MCPH1: variants seen among roughly 807,000 people sequenced by gnomAD.
MCPH1 encodes the protein microcephalin 1.
In MCPH1, 104 loss-of-function variants were observed where a neutral mutation model predicts 84.5. The ratio of observed to expected loss-of-function variants is 1.23; its 90% CI spans 1.05 to 1.45. MCPH1 has a LOEUF of 1.45. MCPH1 is among the 40% of genes most tolerant of loss of function. The pLI is 0.00. For synonymous variants in MCPH1, 514 were observed against 366.8 expected (o/e 1.40, Z -4.58); for missense variants, 1,498 against 1,005.7 (o/e 1.49, Z -6.62).
At chr8:6,541,637 G>T (rs964035188) in intron 12 of MCPH1, among the ~76,000 whole-genome samples, 1 of 152,126 alleles carries the variant, frequency 6.6e-6, no homozygotes, top group Non-Finnish European at 1.5e-5. Flanking sequence ...TAAATTCTCA[G>T]CTTAGAAGAT....
intron 13 of MCPH1, chr8:6,642,623 C>A: frequency 8.1e-6 from 3 of 372,044 alleles, no homozygotes; most frequent in Middle Eastern, 9.0e-4. Context: ...CTGCCTTATG[C>A]CAAGAGTACT....
chr8:6,634,419 C>T (rs1797389961), intron 13 of MCPH1, among the ~76,000 whole-genome samples: 1 of 152,204 alleles, frequency 6.6e-6, no homozygotes, highest in African/African-American at 2.4e-5. Context: ...TTGGGTGCTA[C>T]TGCCCCAGAA....
intron 12 of MCPH1, among the ~76,000 whole-genome samples, chr8:6,607,284 C>G (rs555309997): frequency 1.3e-5 from 2 of 152,298 alleles, no homozygotes; most frequent in East Asian, 1.9e-4. Context: ...CTCAGTGACC[C>G]CAGTTTATCA....
intron 5 of MCPH1, among the ~76,000 whole-genome samples, chr8:6,438,220 A>T (rs1802960763): frequency 6.6e-6 from 1 of 152,248 alleles, no homozygotes; most frequent in South Asian, 2.1e-4. Flanking sequence ...TTTTCTTCTT[A>T]GACCAAATAT....
At chr8:6,476,659 T>C (rs1315919452) in intron 9 of MCPH1, among the ~76,000 whole-genome samples, 1 of 152,128 alleles carries the variant, frequency 6.6e-6, no homozygotes, top group Non-Finnish European at 1.5e-5. Context: ...CCCAAATACG[T>C]AGTATACAAA....
intron 12 of MCPH1, among the ~76,000 whole-genome samples, chr8:6,520,807 A>T (rs1817183233): frequency 6.6e-6 from 1 of 152,216 alleles, no homozygotes. Flanking sequence ...GTGCCATTGT[A>T]TTATCTCATT....
In MCPH1 at chr8:6,646,832, G is replaced by A. The variant is rs927245075; in HGVS notation, c.*3783G>A. 6.6e-6 allele frequency: 1 copy of A among 152,046 alleles called. No homozygotes were observed. The highest frequency in any genetic ancestry group is 1.5e-5 in the Non-Finnish European group (1 of 68,012). The allele number at this position is 152,046 out of a possible 1,614,324, so 9.4% of individuals were successfully genotyped here. On this transcript the variant is annotated 3_prime_UTR_variant, in exon 14 of 14. Transcript: ENST00000344683. ...AAACTGTTTCCAGTTGAGAACCATT[G>A]ACCTAATGTAAAAAATAAAATGTAC...
At chr8:6,604,152 C>T (rs2980671) in intron 12 of MCPH1, among the ~76,000 whole-genome samples, 2 of 152,134 alleles carry the variant, frequency 1.3e-5, no homozygotes, top group African/African-American at 4.8e-5. Flanking sequence ...TAGCTCAGCC[C>T]CCATGCTGTC....
intron 12 of MCPH1, among the ~76,000 whole-genome samples, chr8:6,540,805 G>A (rs906124046): frequency 1.3e-5 from 2 of 152,268 alleles, no homozygotes; most frequent in Non-Finnish European, 2.9e-5. Flanking sequence ...CAGCCATGCC[G>A]AACAGGCGCG....
At chr8:6,629,494 G>T (rs1797000113) in intron 13 of MCPH1, among the ~76,000 whole-genome samples, 1 of 152,062 alleles carries the variant, frequency 6.6e-6, no homozygotes, top group Non-Finnish European at 1.5e-5. Context: ...GGAAGACAAA[G>T]AAACACCAAA....
intron 11 of MCPH1, among the ~76,000 whole-genome samples, chr8:6,492,061 C>T (rs1489184078): frequency 6.6e-6 from 1 of 152,194 alleles, no homozygotes; most frequent in Non-Finnish European, 1.5e-5. Context: ...CACTGACTTC[C>T]ACAATGGTTG....
intron 13 of MCPH1, among the ~76,000 whole-genome samples, chr8:6,639,104 GCAGCCTTTATCCCCACCA>G (rs2129583505): frequency 6.6e-6 from 1 of 152,282 alleles, no homozygotes; most frequent in African/African-American, 2.4e-5. Context: ...GATACTTCTG[GCAGCCTTTATCCCCACCA>G]CGATAAATAC....
rs935643587 is a variant in MCPH1 at position 6,647,745 on chromosome 8, C to G, written c.*4696C>G. 6.6e-6 allele frequency: 1 copy of G among 152,204 alleles called. No homozygotes were observed. Among genetic ancestry groups the G allele is most frequent in the Admixed American group, 6.5e-5 (1 of 15,270 alleles). 9.4% of individuals were successfully genotyped at this position (152,204 alleles called of 1,614,324 possible). On this transcript the variant is annotated 3_prime_UTR_variant, in exon 14 of 14. Coordinates refer to ENST00000344683, the MANE Select transcript of MCPH1 (RefSeq NM_024596.5). ...AGGCACGAAACAGATTCATGGTCTGCTGCAGCTGGGGATGGGAGTGGGAAC... is the reference window on the plus strand; with the variant it reads ...AGGCACGAAACAGATTCATGGTCTGGTGCAGCTGGGGATGGGAGTGGGAAC...
rs1376208969 is a variant in MCPH1 at position 6,431,528 on chromosome 8, A to C, written c.263A>C (p.Glu88Ala). 12 of 1,613,620 alleles carry C rather than the reference A, an allele frequency of 7.4e-6. No homozygotes were observed. Among genetic ancestry groups the C allele is most frequent in the Non-Finnish European group, 9.3e-6 (11 of 1,179,750 alleles). The change falls in exon 4 of 14, where the codon GAA becomes GCA. Residue 88 changes from glutamate to alanine, a missense_variant. Glu to Ala is a moderately radical substitution (Grantham distance 107). Transcript: ENST00000344683. ...AGGACAGCTGGAGCACACATTGATG[A>C]ATCATTGTTCCCTGCAGCTAATATG... ...KCRTAGAHIDESLFPAANMNE... is the reference protein window; with the variant it reads ...KCRTAGAHIDASLFPAANMNE...
chr8:6,621,824 C>G, intron 13 of MCPH1, 133 bp downstream of exon 13: 1 of 1,209,858 alleles, frequency 8.3e-7, no homozygotes, highest in Non-Finnish European at 1.2e-6. Context: ...CCTCCAGCAT[C>G]TGCCCTGGCA....
At chr8:6,565,544 G>C (rs1826079410) in intron 12 of MCPH1, among the ~76,000 whole-genome samples, 1 of 152,154 alleles carries the variant, frequency 6.6e-6, no homozygotes, top group African/African-American at 2.4e-5. Flanking sequence ...ACAGGTGTGA[G>C]CCACTGTACC....
At chr8:6,416,612 T>A (rs1241512094) in intron 3 of MCPH1, among the ~76,000 whole-genome samples, 1 of 152,168 alleles carries the variant, frequency 6.6e-6, no homozygotes, top group East Asian at 1.9e-4. Flanking sequence ...GTGGTGTAAT[T>A]GAGGGGTTTT....
chr8:6,534,582 T>C lies in MCPH1; in HGVS notation c.2214+34653T>C, dbSNP rs538042749. On this transcript the variant is annotated intron_variant, in intron 12 of 13. Transcript: ENST00000344683. ...GCACATCTGGCTGAAGCCTTAGTTT[T>C]CCATATGAACCAAAACAGAGTAGAC... 3.3e-5 allele frequency among the ~76,000 whole-genome samples: 5 copies of C among 152,270 alleles called. No individual in the cohort carries two copies. In the East Asian group the frequency reaches 9.6e-4, roughly 29 times the overall value.
At chr8:6,520,300 T>A (rs558469416) in intron 12 of MCPH1, among the ~76,000 whole-genome samples, 18 of 152,350 alleles carry the variant, frequency 1.2e-4, no homozygotes, top group African/African-American at 4.1e-4. Context: ...TAAATTAAAT[T>A]ATTACTTTTG....
Sources: gnomAD v4.1 joint callset for allele counts (sites outside exome capture counted in the v4.1 genomes callset) on GRCh38, gnomAD v4.1.1 for gene constraint, MANE v1.5 for transcripts, NCBI Gene and HGNC (gene_info 2026-07-23, HGNC 2026-07-21) for gene names.